The following NECAB1 variants were observed in gnomAD, a reference collection of about 807,000 sequenced individuals.
The protein encoded by NECAB1 is N-terminal EF-hand calcium binding protein 1.
Under a neutral mutation model 57.5 loss-of-function variants are expected in NECAB1, and 29 were observed. That is an observed-to-expected ratio of 0.50 (90% CI 0.38 to 0.69). The LOEUF (loss-of-function observed/expected upper bound fraction) is 0.69, where lower values mean the gene tolerates loss of function less well. Among genes scored for constraint, NECAB1 ranks in the 30% least tolerant of loss-of-function variants. NECAB1 has a pLI of 0.00. For missense variants in NECAB1, 372 were observed against 413.8 expected, an observed-to-expected ratio of 0.90 and a Z score of 0.88; for synonymous variants, 142 against 147.7, an observed-to-expected ratio of 0.96 and a Z score of 0.28.
intron 10 of NECAB1, among the ~76,000 whole-genome samples, chr8:90,947,392 CTT>C (rs760323596): frequency 4.9e-5 from 6 of 121,828 alleles, no homozygotes; most frequent in African/African-American, 9.6e-5. Flanking sequence ...CATGTAACTT[CTT>C]TTTTTTTTTT....
At chr8:90,899,705 C>A (rs1016613240) in intron 5 of NECAB1, among the ~76,000 whole-genome samples, 1 of 152,082 alleles carries the variant, frequency 6.6e-6, no homozygotes, top group Non-Finnish European at 1.5e-5. Context: ...TTGTACAGTA[C>A]ATTTGATTTT....
At chr8:90,844,908 A>G (rs575458208) in intron 3 of NECAB1, among the ~76,000 whole-genome samples, 1 of 152,348 alleles carries the variant, frequency 6.6e-6, no homozygotes, top group Non-Finnish European at 1.5e-5. Flanking sequence ...ATGTGTATCT[A>G]TAAGAAGAGA....
intron 2 of NECAB1, among the ~76,000 whole-genome samples, chr8:90,819,784 G>A (rs1812114551): frequency 6.6e-6 from 1 of 151,910 alleles, no homozygotes; most frequent in African/African-American, 2.4e-5. Flanking sequence ...ATAAACTATG[G>A]TGAGAAAAAT....
chr8:90,857,713 C>T (rs1812819251), intron 3 of NECAB1, among the ~76,000 whole-genome samples: 1 of 152,042 alleles, frequency 6.6e-6, no homozygotes, highest in Non-Finnish European at 1.5e-5. Flanking sequence ...CCTTGGTCAA[C>T]CTCTCCTATA....
In NECAB1 at chr8:90,956,388, TAAGA is replaced by T. The variant is rs1811033076; in HGVS notation, c.*879_*882del. On this transcript the variant is annotated 3_prime_UTR_variant, in exon 13 of 13. Transcript: ENST00000417640. ...TAAAATTTTAACCCAAATGAATAAC[TAAGA>T]AATATAAAACAAGCACAAAATCTTA... The T allele has an allele frequency of 6.6e-6, 1 of 151,824 alleles. No individual in the cohort carries two copies. The allele number at this position is 151,824 out of a possible 1,614,324, so 9.4% of individuals were successfully genotyped here.
intron 2 of NECAB1, among the ~76,000 whole-genome samples, chr8:90,823,127 A>G (rs1812171129): frequency 6.6e-6 from 1 of 151,788 alleles, no homozygotes; most frequent in Non-Finnish European, 1.5e-5. Context: ...TGGGGATTGA[A>G]CTTCATTTTG....
intron 2 of NECAB1, among the ~76,000 whole-genome samples, chr8:90,806,103 A>C (rs10091562): frequency 6.6e-6 from 1 of 152,092 alleles, no homozygotes; most frequent in African/African-American, 2.4e-5. Flanking sequence ...GAAAAGCTTC[A>C]TAGTAGTGAA....
intron 2 of NECAB1, among the ~76,000 whole-genome samples, chr8:90,810,202 C>A (rs182869250): frequency 1.3e-5 from 2 of 152,236 alleles, no homozygotes; most frequent in African/African-American, 4.8e-5. Context: ...AACATTTCCA[C>A]ATGGAGAATC....
chr8:90,907,151 T>TGTGTGAGAGAGA (rs1341940094), intron 5 of NECAB1, among the ~76,000 whole-genome samples: 1 of 102,042 alleles, frequency 9.8e-6, no homozygotes, highest in Non-Finnish European at 1.9e-5. Context: ...TGTGTGTGTG[T>TGTGTGAGAGAGA]GAGAGAGAGA....
chr8:90,836,583 C>T (rs989233456), intron 3 of NECAB1, among the ~76,000 whole-genome samples: 1 of 152,210 alleles, frequency 6.6e-6, no homozygotes, highest in African/African-American at 2.4e-5. Flanking sequence ...CCACCATCCT[C>T]ATTGCTGTCA....
chr8:90,850,021 CTG>C (rs1812653448), intron 3 of NECAB1, among the ~76,000 whole-genome samples: 1 of 152,166 alleles, frequency 6.6e-6, no homozygotes. Context: ...TCAATATACT[CTG>C]TCAAACAGAG....
At chr8:90,875,777 C>T (rs1403803948) in intron 4 of NECAB1, among the ~76,000 whole-genome samples, 1 of 150,298 alleles carries the variant, frequency 6.7e-6, no homozygotes, top group African/African-American at 2.5e-5. Flanking sequence ...CTTTGGGAGG[C>T]TGAGGCGGGT....
chr8:90,887,252 T>C (rs910236439), intron 5 of NECAB1, among the ~76,000 whole-genome samples: 5 of 152,196 alleles, frequency 3.3e-5, no homozygotes, highest in African/African-American at 1.2e-4. Context: ...TTCTCCCATT[T>C]TTTTTATCTG....
intron 2 of NECAB1, among the ~76,000 whole-genome samples, chr8:90,822,598 C>T (rs1187069911): frequency 6.6e-6 from 1 of 151,634 alleles, no homozygotes; most frequent in East Asian, 1.9e-4. Context: ...CCTTATTAAT[C>T]GATGCTTTTA....
At chr8:90,858,285 G>A (rs1812831159) in intron 3 of NECAB1, among the ~76,000 whole-genome samples, 1 of 152,132 alleles carries the variant, frequency 6.6e-6, no homozygotes. Context: ...CTGGCATCAG[G>A]TGTAGTAAGT....
At chr8:90,875,732 G>A (rs930940803) in intron 4 of NECAB1, among the ~76,000 whole-genome samples, 46 of 151,276 alleles carry the variant, frequency 3.0e-4, no homozygotes, top group African/African-American at 9.7e-4. Context: ...GGGTACGGGG[G>A]CCGGGCGCGG....
intron 3 of NECAB1, among the ~76,000 whole-genome samples, chr8:90,829,505 T>C (rs1418942520): frequency 1.3e-5 from 2 of 152,030 alleles, no homozygotes; most frequent in East Asian, 3.9e-4. Context: ...GTACATCAAA[T>C]GGTAGACCAG....
At chr8:90,867,535 A>T (rs994995182) in intron 3 of NECAB1, among the ~76,000 whole-genome samples, 2 of 151,274 alleles carry the variant, frequency 1.3e-5, no homozygotes, top group African/African-American at 4.9e-5. Flanking sequence ...AATCCTTTAC[A>T]TCTATCTATT....
chr8:90,942,680 G>A (rs556167460), intron 10 of NECAB1, among the ~76,000 whole-genome samples: 1 of 152,232 alleles, frequency 6.6e-6, no homozygotes, highest in African/African-American at 2.4e-5. Flanking sequence ...TCAGGAGTTC[G>A]AGACCAGACT....
Sources: allele counts gnomAD v4.1 joint callset (sites outside exome capture counted in the v4.1 genomes callset), GRCh38; gene constraint gnomAD v4.1.1; transcripts MANE v1.5; gene names NCBI Gene and HGNC (gene_info 2026-07-23, HGNC 2026-07-21).